NRXN3: variants seen among roughly 807,000 people sequenced by gnomAD.
NRXN3 encodes neurexin 3, also known as neurexin III.
Under a neutral mutation model 137.6 loss-of-function variants are expected in NRXN3, and 32 were observed. That is an observed-to-expected ratio of 0.23 (90% CI 0.18 to 0.31). NRXN3 has a LOEUF of 0.31. Ranked by LOEUF, NRXN3 falls within the 10% of genes least tolerant of loss-of-function variation. The pLI, the probability that NRXN3 is intolerant of heterozygous loss-of-function variation, is 1.00. For synonymous variants in NRXN3, 798 were observed against 784.5 expected (o/e 1.02, Z -0.29); for missense variants, 1,574 against 2,062.5 (o/e 0.76, Z 4.59).
intron 16 of NRXN3, among the ~76,000 whole-genome samples, chr14:79,526,070 G>A (rs544616980): frequency 1.5e-4 from 23 of 151,922 alleles, no homozygotes; most frequent in Non-Finnish European, 2.2e-4. Context: ...TTTTTGAGAC[G>A]GAGTTTTGCT....
chr14:78,943,631 T>TAA lies in NRXN3; in HGVS notation c.2276-13610_2276-13609insAA, dbSNP rs1567778515. ...CTGTTAAAAAAAAAAAATATATATATATATATATATATATATATATATATA... is the reference window on the plus strand; with the variant it reads ...CTGTTAAAAAAAAAAAATATATATATAAATATATATATATATATATATATATA... On this transcript the variant is annotated intron_variant, in intron 10 of 20. Coordinates refer to ENST00000335750, the MANE Select transcript of NRXN3 (RefSeq NM_001330195.2). 2.8e-3 allele frequency among the ~76,000 whole-genome samples: 46 copies of TAA among 16,576 alleles called. 1 individual carries two copies. Among genetic ancestry groups the TAA allele is most frequent in the African/African-American group, 0.018 (45 of 2,546 alleles). The allele number at this position is 16,576 out of a possible 152,430, so 10.9% of individuals were successfully genotyped here.
At position 78,499,313 on chromosome 14, in the gene NRXN3, T is replaced by G. The variant is rs188600913; in HGVS notation, c.758-145807T>G. ...CACATGGGTCATTAAAGTCCGTCTG[T>G]AAAGTCTCAGGGACTTTCTCATCAT... is the stretch of plus-strand genomic sequence containing the variant. On this transcript the variant is annotated intron_variant, in intron 4 of 20. Coordinates refer to ENST00000335750, the MANE Select transcript of NRXN3 (RefSeq NM_001330195.2). Among the ~76,000 whole-genome samples the G allele has an allele frequency of 9.1e-4, 138 of 152,220 alleles. 1 individual carries two copies. The highest frequency in any genetic ancestry group is 3.1e-3 in the African/African-American group (127 of 41,540).
intron 16 of NRXN3, among the ~76,000 whole-genome samples, chr14:79,566,089 G>T (rs1471988443): frequency 6.6e-6 from 1 of 152,110 alleles, no homozygotes; most frequent in Non-Finnish European, 1.5e-5. Flanking sequence ...TGTCCCAGCT[G>T]TGTGGCTTCT....
intron 6 of NRXN3, among the ~76,000 whole-genome samples, chr14:78,663,235 G>T (rs75038072): frequency 0.011 from 1,624 of 152,248 alleles, 26 homozygotes; most frequent in African/African-American, 0.036. Flanking sequence ...TCTGGAAAAG[G>T]TTGGTGATTC....
intron 1 of NRXN3, among the ~76,000 whole-genome samples, chr14:78,217,370 G>A (rs1375428957): frequency 6.6e-6 from 1 of 152,098 alleles, no homozygotes; most frequent in African/African-American, 2.4e-5. Context: ...TGAGAGCAGT[G>A]GTTCTCAACC....
intron 15 of NRXN3, among the ~76,000 whole-genome samples, chr14:79,327,670 A>G (rs1158499282): frequency 6.6e-6 from 1 of 152,230 alleles, no homozygotes; most frequent in African/African-American, 2.4e-5. Flanking sequence ...AACCCTTTGA[A>G]TTTCCATTGC....
intron 15 of NRXN3, among the ~76,000 whole-genome samples, chr14:79,242,617 A>G (rs2074486923): frequency 6.6e-6 from 1 of 152,070 alleles, no homozygotes; most frequent in Admixed American, 6.6e-5. Context: ...GGTAACTGCA[A>G]TTTTGCTTAA....
chr14:79,405,611 A>AGG (rs1320801830), intron 15 of NRXN3, among the ~76,000 whole-genome samples: 1 of 152,154 alleles, frequency 6.6e-6, no homozygotes, highest in Non-Finnish European at 1.5e-5. Flanking sequence ...AGGAGCAACT[A>AGG]ATCAATGAGG....
chr14:78,893,654 A>G (rs570930175), intron 10 of NRXN3, among the ~76,000 whole-genome samples: 3 of 152,092 alleles, frequency 2.0e-5, no homozygotes, highest in East Asian at 1.9e-4. Flanking sequence ...CTTCTTGAGC[A>G]TGTCTCATCT....
At chr14:78,999,372 T>C (rs2099536895) in intron 15 of NRXN3, among the ~76,000 whole-genome samples, 1 of 152,180 alleles carries the variant, frequency 6.6e-6, no homozygotes, top group Admixed American at 6.5e-5. Context: ...ACTATTAATA[T>C]GACCTTGTTT....
chr14:78,581,601 T>A (rs1566807913), intron 4 of NRXN3, among the ~76,000 whole-genome samples: 1 of 152,252 alleles, frequency 6.6e-6, no homozygotes, highest in African/African-American at 2.4e-5. Flanking sequence ...CTCTACAGGT[T>A]TATAAAAATA....
At chr14:79,727,265 G>T (rs1355549515) in intron 19 of NRXN3, among the ~76,000 whole-genome samples, 1 of 147,100 alleles carries the variant, frequency 6.8e-6, no homozygotes, top group Non-Finnish European at 1.5e-5. Context: ...CCTTTAATTG[G>T]TTGGCTTCCG....
chr14:79,699,125 C>T (rs1286252384), intron 19 of NRXN3, among the ~76,000 whole-genome samples: 1 of 151,880 alleles, frequency 6.6e-6, no homozygotes, highest in East Asian at 1.9e-4. Context: ...CTTCTAAAAA[C>T]CTGGTTAGCA....
intron 4 of NRXN3, among the ~76,000 whole-genome samples, chr14:78,321,411 C>T (rs1420366923): frequency 1.3e-5 from 2 of 152,046 alleles, no homozygotes; most frequent in Non-Finnish European, 2.9e-5. Context: ...TTACCCTCTC[C>T]TGTCCTATTT....
intron 15 of NRXN3, among the ~76,000 whole-genome samples, chr14:79,051,644 T>C (rs527400808): frequency 7.0e-4 from 106 of 152,350 alleles, no homozygotes; most frequent in African/African-American, 1.6e-3. Context: ...TTTATGGAGC[T>C]GGCATCAAAC....
intron 4 of NRXN3, among the ~76,000 whole-genome samples, chr14:78,316,478 T>TG (rs2078722364): frequency 6.6e-6 from 1 of 152,186 alleles, no homozygotes. Context: ...TTTCTTAACT[T>TG]GCTTTACCTG....
At chr14:78,958,664 A>G (rs1386205346) in intron 11 of NRXN3, among the ~76,000 whole-genome samples, 1 of 152,144 alleles carries the variant, frequency 6.6e-6, no homozygotes, top group Non-Finnish European at 1.5e-5. Context: ...CTTACATGCT[A>G]TATCTTATAA....
At chr14:78,190,652 TTTAC>T (rs200502082) in intron 1 of NRXN3, among the ~76,000 whole-genome samples, 1,488 of 67,418 alleles carry the variant, frequency 0.022, 19 homozygotes, top group African/African-American at 0.067. Flanking sequence ...TATTTATTTA[TTTAC>T]TTACTTACTT....
chr14:78,180,976 G>A (rs185898654), intron 1 of NRXN3, among the ~76,000 whole-genome samples: 1 of 152,222 alleles, frequency 6.6e-6, no homozygotes, highest in East Asian at 1.9e-4. Context: ...GACTCTTTAG[G>A]GACAAGAGCC....
Sources: gnomAD v4.1 joint callset for allele counts (sites outside exome capture counted in the v4.1 genomes callset) on GRCh38, gnomAD v4.1.1 for gene constraint, MANE v1.5 for transcripts, NCBI Gene and HGNC (gene_info 2026-07-23, HGNC 2026-07-21) for gene names.